Variants in RGS20 observed in about 807,000 individuals in gnomAD.
RGS20 encodes the protein regulator of G protein signaling 20, also known as gz-selective GTPase-activating protein.
RGS20 carries 30 observed loss-of-function variants against 33.6 expected under a neutral mutation model. That is an observed-to-expected ratio of 0.89 (90% CI 0.67 to 1.21). The LOEUF (loss-of-function observed/expected upper bound fraction) is 1.21, where lower values mean the gene tolerates loss of function less well. Ranked by LOEUF, RGS20 falls within the 50% of genes most tolerant of loss-of-function variation. The pLI is 0.00. For missense variants in RGS20, 472 were observed against 502.4 expected, an observed-to-expected ratio of 0.94 and a Z score of 0.58; for synonymous variants, 208 against 197.9, an observed-to-expected ratio of 1.05 and a Z score of -0.43.
rs764469878 is a variant in RGS20 at position 53,959,097 on chromosome 8, A to T, written c.*639A>T. 2.0e-5 allele frequency: 3 copies of T among 152,238 alleles called. No individual in the cohort carries two copies. Among genetic ancestry groups the T allele is most frequent in the African/African-American group, 7.2e-5 (3 of 41,464 alleles). The allele number at this position is 152,238 out of a possible 1,614,324, so 9.4% of individuals were successfully genotyped here. On this transcript the variant is annotated 3_prime_UTR_variant, in exon 6 of 6. Transcript: ENST00000297313. ...GTGGATCAGTCTCAAGTGTCTGGTA[A>T]CAGCAGCAGTGCTTAGAAAATTCTT...
At chr8:53,869,492 A>G (rs768857850) in intron 1 of RGS20, among the ~76,000 whole-genome samples, 7 of 152,184 alleles carry the variant, frequency 4.6e-5, no homozygotes, top group Non-Finnish European at 1.0e-4. Flanking sequence ...CCTGGCCAAC[A>G]TGGTGAAACC....
intron 1 of RGS20, among the ~76,000 whole-genome samples, chr8:53,868,526 T>C (rs576461116): frequency 7.9e-4 from 121 of 152,238 alleles, no homozygotes; most frequent in Middle Eastern, 6.8e-3. Flanking sequence ...ATATAACGTT[T>C]ATAGGAACAT....
At chr8:53,926,266 C>T (rs1414067245) in intron 2 of RGS20, among the ~76,000 whole-genome samples, 4 of 152,148 alleles carry the variant, frequency 2.6e-5, no homozygotes. Flanking sequence ...AGAATGTGTC[C>T]TCTCAAATTT....
At chr8:53,881,754 G>T (rs974700788) in intron 2 of RGS20, among the ~76,000 whole-genome samples, 10 of 152,160 alleles carry the variant, frequency 6.6e-5, no homozygotes, top group Non-Finnish European at 1.3e-4. Context: ...TCCACCCTTC[G>T]CCTGCGCCAG....
chr8:53,881,043 G>A (rs112791546), intron 2 of RGS20: 4 of 1,566,044 alleles, frequency 2.6e-6, no homozygotes, highest in Non-Finnish European at 3.4e-6. Flanking sequence ...AGGCGAGCCG[G>A]CCGGGGCTTC....
At chr8:53,901,178 C>T (rs1047742725) in intron 2 of RGS20, among the ~76,000 whole-genome samples, 1 of 151,722 alleles carries the variant, frequency 6.6e-6, no homozygotes, top group African/African-American at 2.4e-5. Flanking sequence ...AGTGATTCTC[C>T]TGCTTCAGCC....
intron 2 of RGS20, among the ~76,000 whole-genome samples, chr8:53,904,137 T>A (rs1813102999): frequency 6.6e-6 from 1 of 151,972 alleles, no homozygotes; most frequent in Admixed American, 6.6e-5. Flanking sequence ...TTTTTTTTTT[T>A]TTTTTAACCA....
chr8:53,875,691 T>G (rs7827611), intron 1 of RGS20, among the ~76,000 whole-genome samples: 1 of 151,998 alleles, frequency 6.6e-6, no homozygotes, highest in South Asian at 2.1e-4. Flanking sequence ...TACACAACAT[T>G]TCCTTATGAC....
At chr8:53,883,843 G>C (rs2129275496) in intron 2 of RGS20, among the ~76,000 whole-genome samples, 1 of 152,106 alleles carries the variant, frequency 6.6e-6, no homozygotes, top group African/African-American at 2.4e-5. Flanking sequence ...TTACTCTGGG[G>C]GCTGAGGCAG....
At chr8:53,862,550 G>C (rs1296124789) in intron 1 of RGS20, among the ~76,000 whole-genome samples, 1 of 152,196 alleles carries the variant, frequency 6.6e-6, no homozygotes, top group Non-Finnish European at 1.5e-5. Flanking sequence ...GGCTAGGCAT[G>C]GTGGCTCATC....
chr8:53,934,376 A>C (rs1200483109), intron 2 of RGS20, among the ~76,000 whole-genome samples: 1 of 152,250 alleles, frequency 6.6e-6, no homozygotes, highest in Non-Finnish European at 1.5e-5. Flanking sequence ...TCACGTGCAG[A>C]GACACACATA....
intron 1 of RGS20, among the ~76,000 whole-genome samples, chr8:53,871,456 A>G (rs1028410173): frequency 6.6e-6 from 1 of 152,000 alleles, no homozygotes. Flanking sequence ...GTCTCTACTA[A>G]AAACACAAAA....
rs762278432 is a variant in RGS20, at chr8:53,889,325, C to G, written c.510+9723C>G. On this transcript the variant is annotated intron_variant, in intron 2 of 5. Transcript: ENST00000297313. ...AGCATCTTCTTATATGTTTTTGGGT[C>G]AAGTCATTTGTATATTTTCTATTTA... is the stretch of plus-strand genomic sequence containing the variant. Among the ~76,000 whole-genome samples the G allele has an allele frequency of 5.9e-4, 88 of 149,114 alleles. 1 individual carries two copies. Among genetic ancestry groups the G allele is most frequent in the Admixed American group, 2.2e-3 (33 of 14,876 alleles).
intron 2 of RGS20, among the ~76,000 whole-genome samples, chr8:53,938,981 T>A (rs1483282899): frequency 6.6e-6 from 1 of 152,188 alleles, no homozygotes; most frequent in Non-Finnish European, 1.5e-5. Flanking sequence ...AATTGCTCTG[T>A]ACCAGGCGGG....
rs775214305 is a variant in RGS20, at chr8:53,897,009, C to T, written c.510+17407C>T. Among the ~76,000 whole-genome samples the T allele has an allele frequency of 6.6e-5, 10 of 152,168 alleles. No homozygotes were observed. In the East Asian group the frequency reaches 9.6e-4, roughly 15 times the overall value. On this transcript the variant is annotated intron_variant, in intron 2 of 5. Transcript: ENST00000297313. ...TTTGAGGAGCCAATGCTACTGTCCACGGGGGATCATAGAGAATTTTCTATG... is the reference window on the plus strand; with the variant it reads ...TTTGAGGAGCCAATGCTACTGTCCATGGGGGATCATAGAGAATTTTCTATG...
intron 2 of RGS20, chr8:53,933,641 C>G (rs528938552): frequency 6.5e-6 from 1 of 152,706 alleles, no homozygotes; most frequent in Non-Finnish European, 1.5e-5. Context: ...GATTGGTGTA[C>G]CTGAAAGTGA....
intron 4 of RGS20, among the ~76,000 whole-genome samples, chr8:53,948,546 C>CTA (rs1292452377): frequency 1.6e-5 from 1 of 60,988 alleles, no homozygotes. Context: ...TTTACATATG[C>CTA]TATATATGAT....
At chr8:53,871,631 A>G (rs565677254) in intron 1 of RGS20, among the ~76,000 whole-genome samples, 558 of 151,470 alleles carry the variant, frequency 3.7e-3, no homozygotes, top group African/African-American at 0.013. Flanking sequence ...AAAAAATAAT[A>G]ATAATAATAA....
chr8:53,911,855 C>A (rs1283365645), intron 2 of RGS20, among the ~76,000 whole-genome samples: 1 of 152,108 alleles, frequency 6.6e-6, no homozygotes, highest in African/African-American at 2.4e-5. Context: ...GCATGAGAAT[C>A]GCTTGAACCC....
Sources: allele counts gnomAD v4.1 joint callset (sites outside exome capture counted in the v4.1 genomes callset), GRCh38; gene constraint gnomAD v4.1.1; transcripts MANE v1.5; gene names NCBI Gene and HGNC (gene_info 2026-07-23, HGNC 2026-07-21).